The following ARPC5L variants were observed in gnomAD, a reference collection of about 807,000 sequenced individuals.
The protein encoded by ARPC5L is actin-related protein 2/3 complex subunit 5-like protein.
Under a neutral mutation model 16.9 loss-of-function variants are expected in ARPC5L, and 4 were observed. The observed-to-expected ratio is 0.24, with a 90% CI of 0.12 to 0.54. The LOEUF (loss-of-function observed/expected upper bound fraction) is 0.54. Ranked by LOEUF, ARPC5L falls within the 20% of genes least tolerant of loss-of-function variation. The pLI is 0.95. For missense variants in ARPC5L, 151 were observed against 201.9 expected, an observed-to-expected ratio of 0.75 and a Z score of 1.53; for synonymous variants, 78 against 82.6, an observed-to-expected ratio of 0.94 and a Z score of 0.30.
intron 2 of ARPC5L, 57 bp from the exon 3 acceptor site, chr9:124,868,371 A>C (rs1829300254): frequency 6.6e-6 from 1 of 152,238 alleles, no homozygotes; most frequent in African/African-American, 2.4e-5. Flanking sequence ...CCCAGGCACC[A>C]AATCTGGCAC....
intron 2 of ARPC5L, among the ~76,000 whole-genome samples, chr9:124,865,164 C>T (rs1408743434): frequency 2.7e-5 from 4 of 150,812 alleles, no homozygotes; most frequent in African/African-American, 7.3e-5. Context: ...AAGTCTAGGC[C>T]GGGCGTGGTG....
chr9:124,875,557 G>T (rs974243542), intron 5 of ARPC5L, among the ~76,000 whole-genome samples: 11 of 152,332 alleles, frequency 7.2e-5, no homozygotes, highest in Admixed American at 2.0e-4. Context: ...CCTCCAGCCA[G>T]CTCTAAGGGC....
chr9:124,864,381 A>G (rs1829243143), intron 2 of ARPC5L, among the ~76,000 whole-genome samples: 1 of 151,990 alleles, frequency 6.6e-6, no homozygotes, highest in African/African-American at 2.4e-5. Flanking sequence ...TTTTTCCAAA[A>G]TGGAGTCTTG....
rs1829304242 is a variant in ARPC5L at position 124,868,655 on chromosome 9, T to C, written c.-636T>C. ...AAAGCCCCCTACTCCTTTAAGAGGG[T>C]CACCTCTGTGTACAGGCGGCCTCCT... On this transcript the variant is annotated 5_prime_UTR_variant, in exon 3 of 6. Coordinates refer to ENST00000353214, the MANE Select transcript of ARPC5L (RefSeq NM_030978.3). 1 of 152,280 alleles carries C rather than the reference T, an allele frequency of 6.6e-6. No homozygotes were observed. Among genetic ancestry groups the C allele is most frequent in the Non-Finnish European group, 1.5e-5 (1 of 68,064 alleles). The allele number at this position is 152,280 out of a possible 1,614,324, so 9.4% of individuals were successfully genotyped here.
intron 1 of ARPC5L, among the ~76,000 whole-genome samples, 188 bp from the exon 2 acceptor site, chr9:124,863,800 C>G (rs1829235760): frequency 6.6e-6 from 1 of 152,228 alleles, no homozygotes; most frequent in Admixed American, 6.5e-5. Flanking sequence ...CACTCCCTTG[C>G]CCTTAATAAA....
intron 2 of ARPC5L, among the ~76,000 whole-genome samples, chr9:124,865,007 T>A (rs1829250064): frequency 6.6e-6 from 1 of 151,760 alleles, no homozygotes; most frequent in South Asian, 2.1e-4. Context: ...AATTTTTATA[T>A]TTTTAGTAGA....
In ARPC5L at chr9:124,876,873, C is replaced by A. The variant is rs866201899; in HGVS notation, c.400-5C>A. 12 of 1,611,512 alleles carry A rather than the reference C, an allele frequency of 7.4e-6. No individual in the cohort carries two copies. Among genetic ancestry groups the A allele is most frequent in the Middle Eastern group, 1.7e-4 (1 of 6,050 alleles). On this transcript the variant is annotated splice_polypyrimidine_tract_variant and splice_region_variant and intron_variant, in intron 5 of 5. Transcript: ENST00000353214. ...CTGACACGTTTTCTTTTCCTGCCCC[C>A]ACAGGCCTTAGCAGTAGGAGGACTA...
At chr9:124,874,662 A>G (rs1374292735) in intron 4 of ARPC5L, among the ~76,000 whole-genome samples, 1 of 152,152 alleles carries the variant, frequency 6.6e-6, no homozygotes, top group African/African-American at 2.4e-5. Flanking sequence ...AGCTCAGGCA[A>G]CAGAGCGAGA....
At chr9:124,870,114 A>G (rs924010721) in intron 3 of ARPC5L, among the ~76,000 whole-genome samples, 3 of 152,164 alleles carry the variant, frequency 2.0e-5, no homozygotes, top group Non-Finnish European at 2.9e-5. Flanking sequence ...ACGCTCAACA[A>G]GTGAGTCTTG....
At chr9:124,869,964 G>A (rs556705602) in intron 3 of ARPC5L, among the ~76,000 whole-genome samples, 2 of 152,346 alleles carry the variant, frequency 1.3e-5, no homozygotes, top group African/African-American at 2.4e-5. Context: ...CAGAACCCAG[G>A]AGGGAGTGGA....
chr9:124,867,972 G>C (rs1829295911), intron 2 of ARPC5L, among the ~76,000 whole-genome samples: 1 of 152,012 alleles, frequency 6.6e-6, no homozygotes, highest in Non-Finnish European at 1.5e-5. Flanking sequence ...AGCACGCCCG[G>C]CTAATTTTGT....
chr9:124,871,090 T>A (rs1468981915), intron 3 of ARPC5L, among the ~76,000 whole-genome samples: 1 of 152,118 alleles, frequency 6.6e-6, no homozygotes, highest in Non-Finnish European at 1.5e-5. Flanking sequence ...TGAGTCTCTA[T>A]CATGTACCAA....
intron 2 of ARPC5L, among the ~76,000 whole-genome samples, chr9:124,866,726 T>C (rs1232800421): frequency 6.6e-6 from 1 of 151,864 alleles, no homozygotes; most frequent in African/African-American, 2.4e-5. Context: ...CTCAAAAAAA[T>C]TAAAAAAAAA....
At chr9:124,874,595 A>G (rs1218818111) in intron 4 of ARPC5L, among the ~76,000 whole-genome samples, 1 of 152,098 alleles carries the variant, frequency 6.6e-6, no homozygotes, top group Non-Finnish European at 1.5e-5. Flanking sequence ...CTGAGGTGGG[A>G]GGATTGCTTG....
chr9:124,868,055 C>T (rs533384571), intron 2 of ARPC5L, among the ~76,000 whole-genome samples: 114 of 152,200 alleles, frequency 7.5e-4, no homozygotes, highest in African/African-American at 2.7e-3. Flanking sequence ...GTGATCCGCC[C>T]ACCTCGGCTC....
intron 3 of ARPC5L, among the ~76,000 whole-genome samples, chr9:124,872,417 A>G (rs1015548197): frequency 2.0e-5 from 3 of 152,094 alleles, no homozygotes; most frequent in Non-Finnish European, 4.4e-5. Context: ...AACACAGTGA[A>G]ACCCCGCCTC....
At chr9:124,874,422 G>C (rs1829403206) in intron 4 of ARPC5L, among the ~76,000 whole-genome samples, 1 of 152,152 alleles carries the variant, frequency 6.6e-6, no homozygotes, top group Non-Finnish European at 1.5e-5. Flanking sequence ...TGATGGGCTG[G>C]GTGCCATGGT....
At chr9:124,869,935 T>C (rs1053739256) in intron 3 of ARPC5L, among the ~76,000 whole-genome samples, 2 of 152,028 alleles carry the variant, frequency 1.3e-5, no homozygotes, top group African/African-American at 4.8e-5. Flanking sequence ...GATAGGTGGG[T>C]GGACGGCTGT....
At position 124,869,157 on chromosome 9, in the gene ARPC5L, G is replaced by C. The variant is rs566461565; in HGVS notation, c.-134G>C. On this transcript the variant is annotated 5_prime_UTR_variant, in exon 3 of 6. Transcript: ENST00000353214. ...AGTGGGCGGGCGGCGGCGGCTGCGC[G>C]CGGAGGCGGTGGAGGAGGTGCTGGG... 2 of 1,030,436 alleles carry C rather than the reference G, an allele frequency of 1.9e-6. No homozygotes were observed. Among genetic ancestry groups the C allele is most frequent in the Non-Finnish European group, 2.5e-6 (2 of 795,162 alleles). 63.8% of individuals were successfully genotyped at this position (1,030,436 alleles called of 1,614,324 possible).
Sources: allele counts gnomAD v4.1 joint callset (sites outside exome capture counted in the v4.1 genomes callset), GRCh38; gene constraint gnomAD v4.1.1; transcripts MANE v1.5; gene names NCBI Gene and HGNC (gene_info 2026-07-23, HGNC 2026-07-21).